The following PACRG variants were observed in gnomAD, a reference collection of about 807,000 sequenced individuals.
PACRG encodes parkin coregulated, also known as parkin coregulated gene protein.
A neutral mutation model predicts 29.7 loss-of-function variants in PACRG; 29 were observed. That is an observed-to-expected ratio of 0.98 (90% CI 0.73 to 1.33). The LOEUF (loss-of-function observed/expected upper bound fraction) is 1.33. Ranked by LOEUF, PACRG falls within the 40% of genes most tolerant of loss-of-function variation. The pLI, the probability that PACRG is intolerant of heterozygous loss-of-function variation, is 0.00. For missense variants in PACRG, 279 were observed against 316.2 expected (o/e 0.88, Z 0.89); for synonymous variants, 116 against 118.7 (o/e 0.98, Z 0.15).
chr6:163,295,294 T>TA (rs1784746660), intron 4 of PACRG, among the ~76,000 whole-genome samples: 1 of 152,170 alleles, frequency 6.6e-6, no homozygotes, highest in Non-Finnish European at 1.5e-5. Context: ...TAAAACCAAG[T>TA]AATCCACAGA....
intron 4 of PACRG, among the ~76,000 whole-genome samples, chr6:163,174,008 T>C (rs1417605707): frequency 6.6e-6 from 1 of 152,258 alleles, no homozygotes; most frequent in East Asian, 1.9e-4. Context: ...TTGACTACTC[T>C]GTGCAAGAAA....
chr6:162,798,612 T>G (rs1395125461), intron 1 of PACRG, among the ~76,000 whole-genome samples: 1 of 152,196 alleles, frequency 6.6e-6, no homozygotes, highest in Non-Finnish European at 1.5e-5. Context: ...ATGTTCACAC[T>G]AGAAATTATA....
At chr6:162,952,037 C>G (rs978877678) in intron 2 of PACRG, among the ~76,000 whole-genome samples, 2 of 152,130 alleles carry the variant, frequency 1.3e-5, no homozygotes, top group African/African-American at 4.8e-5. Context: ...TGTCCTTAAA[C>G]AAAAATGTCA....
intron 2 of PACRG, among the ~76,000 whole-genome samples, chr6:162,841,933 T>C (rs1789816694): frequency 1.3e-5 from 2 of 151,186 alleles, no homozygotes; most frequent in African/African-American, 4.8e-5. Flanking sequence ...TTCTGAGTTC[T>C]AGTTTGATTG....
intron 4 of PACRG, among the ~76,000 whole-genome samples, chr6:163,142,593 A>T (rs1467460002): frequency 6.6e-6 from 1 of 152,244 alleles, no homozygotes; most frequent in Non-Finnish European, 1.5e-5. Context: ...AAAAAGAAGA[A>T]TCGAAGAAGA....
chr6:162,789,876 A>G (rs1784798129), intron 1 of PACRG, among the ~76,000 whole-genome samples: 1 of 151,278 alleles, frequency 6.6e-6, no homozygotes, highest in Non-Finnish European at 1.5e-5. Context: ...ATTGTAGTAG[A>G]TCTCTGTTGT....
chr6:163,153,966 G>A (rs960179584), intron 4 of PACRG, among the ~76,000 whole-genome samples: 1 of 152,190 alleles, frequency 6.6e-6, no homozygotes, highest in Non-Finnish European at 1.5e-5. Flanking sequence ...TCCAAAAGCT[G>A]AGAGGCCCTA....
intron 3 of PACRG, among the ~76,000 whole-genome samples, chr6:163,071,095 C>G (rs1320445397): frequency 6.6e-6 from 1 of 151,954 alleles, no homozygotes; most frequent in East Asian, 1.9e-4. Flanking sequence ...TACGATAATA[C>G]CTGGAGACTT....
intron 2 of PACRG, among the ~76,000 whole-genome samples, chr6:162,892,519 C>G (rs1476664830): frequency 6.6e-6 from 1 of 152,138 alleles, no homozygotes. Context: ...TCTCTTTACC[C>G]TAACAACTCC....
intron 1 of PACRG, among the ~76,000 whole-genome samples, chr6:162,789,656 T>C (rs1784782147): frequency 6.6e-6 from 1 of 152,196 alleles, no homozygotes; most frequent in African/African-American, 2.4e-5. Flanking sequence ...CATGGATTAA[T>C]TTACATATAT....
intron 1 of PACRG, among the ~76,000 whole-genome samples, chr6:162,779,021 C>A (rs1572150): frequency 1.3e-5 from 2 of 151,936 alleles, no homozygotes; most frequent in Non-Finnish European, 2.9e-5. Context: ...CTTCCTGATG[C>A]GTTCCCTCCC....
intron 4 of PACRG, among the ~76,000 whole-genome samples, chr6:163,308,979 A>T (rs1441196514): frequency 6.6e-6 from 1 of 152,234 alleles, no homozygotes; most frequent in Non-Finnish European, 1.5e-5. Context: ...GAGAATCAAA[A>T]ATATGCCTTT....
intron 4 of PACRG, chr6:163,183,683 C>T (rs1779777906): frequency 1.3e-5 from 2 of 152,132 alleles, no homozygotes; most frequent in Admixed American, 6.6e-5. Flanking sequence ...GGTTTTTAAG[C>T]TAATCAGTAG....
chr6:163,194,604 G>A (rs550897885), intron 4 of PACRG, among the ~76,000 whole-genome samples: 80 of 152,296 alleles, frequency 5.3e-4, no homozygotes, highest in Non-Finnish European at 9.4e-4. Flanking sequence ...GGGTGCAGCC[G>A]GGGTGTCCGA....
In PACRG at chr6:163,282,044, T is replaced by A. The variant is rs192461035; in HGVS notation, c.614-32783T>A. On this transcript the variant is annotated intron_variant, in intron 4 of 4. Coordinates refer to ENST00000366888, the MANE Select transcript of PACRG (RefSeq NM_001080379.2). The stretch of plus-strand genomic sequence containing the variant: ...TTAATTTGAATATTCAGAACTTTTT[T>A]AAAATTATTGTTTGGGTCACTTGAA... Among the ~76,000 whole-genome samples, 474 of 152,342 alleles carry A rather than the reference T, an allele frequency of 3.1e-3. 1 individual carries two copies. The highest frequency in any genetic ancestry group is 5.2e-3 in the Non-Finnish European group (355 of 68,028).
At chr6:162,978,237 A>G (rs1275713629) in intron 2 of PACRG, among the ~76,000 whole-genome samples, 3 of 152,244 alleles carry the variant, frequency 2.0e-5, no homozygotes, top group Non-Finnish European at 4.4e-5. Flanking sequence ...AAGAAATTAT[A>G]GTATATTTCT....
intron 4 of PACRG, chr6:163,166,213 G>A (rs1428604653): frequency 2.0e-5 from 9 of 456,160 alleles, no homozygotes; most frequent in East Asian, 1.4e-4. Flanking sequence ...CACTGAATCT[G>A]TCTTCTCTCC....
intron 4 of PACRG, among the ~76,000 whole-genome samples, chr6:163,299,982 G>T (rs1279028152): frequency 6.6e-6 from 1 of 152,202 alleles, no homozygotes; most frequent in African/African-American, 2.4e-5. Flanking sequence ...CACGTAGGGG[G>T]CACAGAGCTC....
At chr6:163,288,776 G>A (rs764500780) in intron 4 of PACRG, among the ~76,000 whole-genome samples, 1 of 152,162 alleles carries the variant, frequency 6.6e-6, no homozygotes, top group East Asian at 1.9e-4. Flanking sequence ...AATATACAGG[G>A]ACCATAAATT....
Sources: allele counts gnomAD v4.1 joint callset (sites outside exome capture counted in the v4.1 genomes callset), GRCh38; gene constraint gnomAD v4.1.1; transcripts MANE v1.5; gene names NCBI Gene and HGNC (gene_info 2026-07-23, HGNC 2026-07-21).